CEP126: variants seen among roughly 807,000 people sequenced by gnomAD.
CEP126 encodes centrosomal protein 126, also known as centrosomal protein of 126 kDa.
Under a neutral mutation model 107.8 loss-of-function variants are expected in CEP126, and 74 were observed. That is an observed-to-expected ratio of 0.69 (90% confidence interval 0.57 to 0.83). The LOEUF (loss-of-function observed/expected upper bound fraction) is 0.83. CEP126 is among the 40% of genes least tolerant of loss of function. The pLI is 0.00. For synonymous variants in CEP126, 449 were observed against 446.0 expected (o/e 1.01, Z -0.08); for missense variants, 1,237 against 1,281.9 (o/e 0.96, Z 0.53).
chr11:101,915,842 C>T (rs1303370632), intron 1 of CEP126, among the ~76,000 whole-genome samples: 2 of 152,140 alleles, frequency 1.3e-5, no homozygotes, highest in Non-Finnish European at 2.9e-5. Context: ...CTAACACAGC[C>T]CTAAATGCAT....
intron 10 of CEP126, among the ~76,000 whole-genome samples, chr11:101,995,058 G>A (rs190831386): frequency 9.2e-5 from 14 of 152,116 alleles, no homozygotes; most frequent in Non-Finnish European, 1.6e-4. Context: ...GGCGTGTGAT[G>A]TTCCCCTCCC....
chr11:101,964,816 T>C (rs1565363128), intron 6 of CEP126, among the ~76,000 whole-genome samples: 1 of 152,224 alleles, frequency 6.6e-6, no homozygotes, highest in Non-Finnish European at 1.5e-5. Context: ...TCCCATATTA[T>C]TCTGTCATTA....
chr11:101,923,147 C>G (rs937512737), intron 2 of CEP126, among the ~76,000 whole-genome samples: 1 of 151,970 alleles, frequency 6.6e-6, no homozygotes, highest in African/African-American at 2.4e-5. Flanking sequence ...TTATTCACTT[C>G]TATATAATTT....
chr11:101,937,263 T>G (rs1299510361), intron 2 of CEP126, among the ~76,000 whole-genome samples: 5 of 152,226 alleles, frequency 3.3e-5, no homozygotes, highest in Non-Finnish European at 5.9e-5. Context: ...TCTGAATTTA[T>G]ATGTTACTGA....
intron 3 of CEP126, 111 bp downstream of exon 3, chr11:101,944,521 C>A: frequency 9.8e-7 from 1 of 1,019,448 alleles, no homozygotes; most frequent in Non-Finnish European, 1.4e-6. Flanking sequence ...CTAAAAAGAC[C>A]AATATGACTT....
rs544300671 is a variant in CEP126 at position 101,917,408 on chromosome 11, A to T, written c.128+1996A>T. 1.1e-4 allele frequency among the ~76,000 whole-genome samples: 16 copies of T among 152,262 alleles called. No individual in the cohort carries two copies. The East Asian group carries it at 3.1e-3, about 29-fold the overall frequency. On this transcript the variant is annotated intron_variant, in intron 1 of 10. Coordinates refer to ENST00000263468, the MANE Select transcript of CEP126 (RefSeq NM_020802.4). ...AGTATGTGGTAACATTTACATTTCA[A>T]TTTCAAATATGAACATGATACTCAG...
intron 2 of CEP126, 111 bp downstream of exon 2, chr11:101,922,871 G>A (rs1940351811): frequency 7.4e-6 from 6 of 811,668 alleles, no homozygotes; most frequent in Non-Finnish European, 1.1e-5. Flanking sequence ...TGTTATCTGT[G>A]AAACATTGAT....
rs116801953 is a variant in CEP126 at position 101,935,171 on chromosome 11, G to A, written c.249-9094G>A. On this transcript the variant is annotated intron_variant, in intron 2 of 10. Transcript: ENST00000263468. The stretch of plus-strand genomic sequence containing the variant: ...AAATATCTATTCAAATATTTTGTCC[G>A]TGTTTTAAGTTGGGTTGTTTGTCGT... Among the ~76,000 whole-genome samples the A allele has an allele frequency of 1.5e-3, 225 of 151,856 alleles. 3 individuals are homozygous for A. Among genetic ancestry groups the A allele is most frequent in the Non-Finnish European group, 1.7e-3 (112 of 67,864 alleles).
chr11:101,922,510 C>T (rs1940345419), intron 1 of CEP126, 131 bp from the exon 2 acceptor site: 1 of 725,784 alleles, frequency 1.4e-6, no homozygotes, highest in Non-Finnish European at 2.3e-6. Flanking sequence ...CTAATGTGGG[C>T]ACATACTAAT....
intron 2 of CEP126, among the ~76,000 whole-genome samples, chr11:101,930,497 G>T (rs892146612): frequency 6.6e-6 from 1 of 152,174 alleles, no homozygotes; most frequent in Non-Finnish European, 1.5e-5. Context: ...CTTAAAGGTG[G>T]TGCGGACCCA....
At position 101,944,690 on chromosome 11, in the gene CEP126, G is replaced by A. The variant is rs574983284; in HGVS notation, c.394+280G>A. ...CCTTTTAAAATTCATTTGGTAAGTA[G>A]CTTAGTACAAAGAAAATTTAACATT... On this transcript the variant is annotated intron_variant, in intron 3 of 10. Transcript: ENST00000263468. 2.0e-5 allele frequency among the ~76,000 whole-genome samples: 3 copies of A among 152,198 alleles called. No individual in the cohort carries two copies. In the South Asian group the frequency reaches 6.2e-4, roughly 32 times the overall value.
rs754087010 is a variant in CEP126, at chr11:101,962,024, T to G, written c.989T>G (p.Ile330Ser). The change falls in exon 6 of 11, where the codon ATT (isoleucine) becomes AGT (serine). Residue 330 changes from isoleucine to serine, a missense_variant. Ile to Ser is a moderately radical substitution (Grantham distance 142). Transcript: ENST00000263468. Reference protein sequence around the residue: ...NTQNVTAFSDILSKSNVLPSW... With the variant: ...NTQNVTAFSDSLSKSNVLPSW... ...CAGAATGTCACAGCTTTCTCAGATA[T>G]TTTAAGTAAATCTAATGTTCTGCCT... 8.1e-6 allele frequency: 13 copies of G among 1,613,178 alleles called. No homozygotes were observed. In the South Asian group the frequency reaches 1.4e-4, roughly 18 times the overall value.
chr11:101,977,407 C>T (rs1352312959), intron 6 of CEP126, among the ~76,000 whole-genome samples: 1 of 151,782 alleles, frequency 6.6e-6, no homozygotes, highest in African/African-American at 2.4e-5. Flanking sequence ...ACGAGGCGGG[C>T]AGATCACAAG....
chr11:101,956,817 C>T (rs1323413515), intron 4 of CEP126: 1 of 432,066 alleles, frequency 2.3e-6, no homozygotes, highest in Admixed American at 2.6e-5. Flanking sequence ...ACCTCCCCAT[C>T]TCCTTTTATT....
intron 2 of CEP126, among the ~76,000 whole-genome samples, chr11:101,933,032 C>T (rs1034004726): frequency 2.1e-4 from 32 of 152,132 alleles, no homozygotes; most frequent in African/African-American, 7.2e-4. Flanking sequence ...AGGTACAAAG[C>T]ATTGTGTTAG....
At chr11:101,932,577 C>T (rs1377948611) in intron 2 of CEP126, among the ~76,000 whole-genome samples, 1 of 152,060 alleles carries the variant, frequency 6.6e-6, no homozygotes, top group East Asian at 1.9e-4. Flanking sequence ...GTTATTTTCT[C>T]AATTTCTCAA....
intron 2 of CEP126, among the ~76,000 whole-genome samples, chr11:101,924,798 C>T (rs1358799182): frequency 1.3e-5 from 2 of 152,050 alleles, no homozygotes; most frequent in South Asian, 2.1e-4. Flanking sequence ...GAGACAGTCT[C>T]CTGCCATTTG....
At chr11:101,981,313 A>G (rs1392108142) in intron 7 of CEP126, among the ~76,000 whole-genome samples, 1 of 152,080 alleles carries the variant, frequency 6.6e-6, no homozygotes. Flanking sequence ...TTTATTTTTG[A>G]GACAGAGTCT....
intron 9 of CEP126, among the ~76,000 whole-genome samples, chr11:101,990,103 A>T (rs778774290): frequency 2.0e-5 from 3 of 149,230 alleles, no homozygotes; most frequent in Non-Finnish European, 4.4e-5. Flanking sequence ...CAGATTGCTA[A>T]AAGATGAATG....
Sources: gnomAD v4.1 joint callset for allele counts (sites outside exome capture counted in the v4.1 genomes callset) on GRCh38, gnomAD v4.1.1 for gene constraint, MANE v1.5 for transcripts, NCBI Gene and HGNC (gene_info 2026-07-23, HGNC 2026-07-21) for gene names.